The following ZYG11A variants were observed in gnomAD, a reference collection of about 807,000 sequenced individuals.
ZYG11A encodes protein zyg-11 homolog A.
ZYG11A carries 62 observed loss-of-function variants against 77.2 expected under a neutral mutation model. The ratio of observed to expected loss-of-function variants is 0.80; its 90% CI spans 0.65 to 0.99. The LOEUF (loss-of-function observed/expected upper bound fraction) is 0.99, where lower values mean the gene tolerates loss of function less well. ZYG11A is among the 50% of genes least tolerant of loss of function. The pLI is 0.00. For missense variants in ZYG11A, 828 were observed against 896.8 expected (o/e 0.92, Z 0.98); for synonymous variants, 315 against 324.6 (o/e 0.97, Z 0.32).
intron 3 of ZYG11A, among the ~76,000 whole-genome samples, chr1:52,860,518 T>G (rs1300336073): frequency 6.6e-6 from 1 of 152,184 alleles, no homozygotes; most frequent in Non-Finnish European, 1.5e-5. Flanking sequence ...GGCTGGTCTC[T>G]ACTCCTGACC....
rs1557436683 is a variant in ZYG11A, at chr1:52,859,672, T to C, written c.1009-1059T>C. Among the ~76,000 whole-genome samples the C allele has an allele frequency of 8.0e-4, 81 of 101,776 alleles. 4 individuals are homozygous for C. The highest frequency in any genetic ancestry group is 2.0e-3 in the Admixed American group (22 of 11,202). The allele number at this position is 101,776 out of a possible 152,430, so 66.8% of individuals were successfully genotyped here. ...TTTATCTGTTTGTGTATTGCCTTTT[T>C]TTTTTTTTTTTTTTTTTTTTTTTGA... On this transcript the variant is annotated intron_variant, in intron 3 of 13. Transcript: ENST00000371528.
Position 52,857,150 on chromosome 1 carries a change from G to A in ZYG11A, c.409G>A (p.Ala137Thr). 3.2e-6 allele frequency: 5 copies of A among 1,551,904 alleles called. No homozygotes were observed. The highest frequency in any genetic ancestry group is 3.5e-6 in the Non-Finnish European group (4 of 1,147,054). ...TGAACTGAATGCTACTGCAGTGCAC[G>A]CTGACCTCCCAGTTCCAGACATCAT... Reference protein sequence around the residue: ...LIELNATAVHADLPVPDIISG... With the variant: ...LIELNATAVHTDLPVPDIISG... Residue 137 changes from alanine (A) to threonine (T), a missense_variant, in exon 3 of 14, where the codon GCT (alanine) becomes ACT (threonine). Coordinates refer to ENST00000371528, the MANE Select transcript of ZYG11A (RefSeq NM_001004339.3).
chr1:52,845,635 ATTTTT>A (rs34141053), intron 1 of ZYG11A, among the ~76,000 whole-genome samples: 1 of 139,298 alleles, frequency 7.2e-6, no homozygotes. Flanking sequence ...TTATTTTTGA[ATTTTT>A]TTTTTTTTTT....
At chr1:52,863,895 G>A (rs1170623666) in intron 4 of ZYG11A, 86 bp from the exon 5 acceptor site, 3 of 1,265,266 alleles carry the variant, frequency 2.4e-6, no homozygotes, top group South Asian at 3.1e-5. Flanking sequence ...CCCAATAAAC[G>A]AAGATTTGTG....
chr1:52,847,927 T>C (rs1411205321), intron 1 of ZYG11A, among the ~76,000 whole-genome samples: 1 of 151,862 alleles, frequency 6.6e-6, no homozygotes, highest in Non-Finnish European at 1.5e-5. Flanking sequence ...TGGAGTGCAG[T>C]GGCGCGATCT....
chr1:52,884,735 A>C (rs1245176360), intron 11 of ZYG11A, among the ~76,000 whole-genome samples: 2 of 152,136 alleles, frequency 1.3e-5, no homozygotes, highest in African/African-American at 4.8e-5. Flanking sequence ...AGGGGATCTC[A>C]ACATTTAGTA....
chr1:52,844,259 A>C (rs1645519647), intron 1 of ZYG11A, among the ~76,000 whole-genome samples: 1 of 152,226 alleles, frequency 6.6e-6, no homozygotes, highest in Admixed American at 6.5e-5. Flanking sequence ...TGCTTTACAT[A>C]TTAACGCCTT....
chr1:52,888,063 T>C (rs2150023258), intron 13 of ZYG11A, among the ~76,000 whole-genome samples: 1 of 152,164 alleles, frequency 6.6e-6, no homozygotes, highest in Non-Finnish European at 1.5e-5. Flanking sequence ...AATCAGAAAA[T>C]GTAATTAAGG....
At position 52,864,101 on chromosome 1, in the gene ZYG11A, T is replaced by C. The variant is rs1372585082; in HGVS notation, c.1270T>C (p.Ser424Pro). Residue 424 changes from serine (S) to proline (P), a missense_variant, in exon 5 of 14, where the codon TCA (serine) becomes CCA (proline). By Grantham distance (74) the Ser-to-Pro change is moderately conservative. Transcript: ENST00000371528. ...LAKGMPVRLL[S>P]EVTCLLFKAL... Reference sequence around the variant, plus strand: ...CAAGGGGATGCCTGTTCGCCTGTTGTCAGAGGTCACCTGTCTACTTTTCAA... The same window carrying C: ...CAAGGGGATGCCTGTTCGCCTGTTGCCAGAGGTCACCTGTCTACTTTTCAA... 1 of 1,551,980 alleles carries C rather than the reference T, an allele frequency of 6.4e-7. No individual in the cohort carries two copies. Among genetic ancestry groups the C allele is most frequent in the Admixed American group, 2.0e-5 (1 of 51,000 alleles).
intron 8 of ZYG11A, among the ~76,000 whole-genome samples, chr1:52,872,707 C>T (rs1646188746): frequency 6.7e-6 from 1 of 150,274 alleles, no homozygotes; most frequent in African/African-American, 2.4e-5. Context: ...ATGGTGAAAC[C>T]CCGTCTCTAT....
intron 1 of ZYG11A, among the ~76,000 whole-genome samples, chr1:52,847,779 C>A (rs1404922527): frequency 6.6e-6 from 1 of 150,570 alleles, no homozygotes; most frequent in African/African-American, 2.4e-5. Context: ...AGGTAATTCT[C>A]CTGCCTCAGC....
intron 1 of ZYG11A, among the ~76,000 whole-genome samples, chr1:52,846,324 AT>A: frequency 1.7e-4 from 1 of 6,028 alleles, no homozygotes; most frequent in East Asian, 2.5e-3. Context: ...ATATATATAT[AT>A]ATATATATAT....
intron 13 of ZYG11A, among the ~76,000 whole-genome samples, chr1:52,891,812 G>T (rs1646548025): frequency 6.6e-6 from 1 of 151,528 alleles, no homozygotes; most frequent in African/African-American, 2.4e-5. Flanking sequence ...TAGCTGAAGT[G>T]CTCTTTGTTT....
At chr1:52,856,940 A>T in intron 2 of ZYG11A, 58 bp from the exon 3 acceptor site, 1 of 1,457,982 alleles carries the variant, frequency 6.9e-7, no homozygotes, top group South Asian at 1.5e-5. Context: ...GCCACATTTT[A>T]TCCTGGAAAG....
chr1:52,863,339 T>C (rs1645964409), intron 4 of ZYG11A, among the ~76,000 whole-genome samples: 1 of 152,130 alleles, frequency 6.6e-6, no homozygotes, highest in Non-Finnish European at 1.5e-5. Flanking sequence ...CAAATTCTTC[T>C]CCTCTGTTGG....
Position 52,843,686 on chromosome 1 carries a change from TTC to T in ZYG11A, c.90+715_90+716del, listed in dbSNP as rs1318466796. Among the ~76,000 whole-genome samples, 13 of 106,538 alleles carry T rather than the reference TTC, an allele frequency of 1.2e-4. No individual in the cohort carries two copies. The South Asian group carries it at 3.2e-3, about 26-fold the overall frequency. The allele number at this position is 106,538 out of a possible 152,430, so 69.9% of individuals were successfully genotyped here. Reference sequence around the variant, plus strand: ...TAAGTGTCGCCTTTCTTTTCTTTCTTTCTTTTTTTTTTTTTTTTTGAGACGGA... The same window carrying T: ...TAAGTGTCGCCTTTCTTTTCTTTCTTTTTTTTTTTTTTTTTTTGAGACGGA... On this transcript the variant is annotated intron_variant, in intron 1 of 13. Coordinates refer to ENST00000371528, the MANE Select transcript of ZYG11A (RefSeq NM_001004339.3).
chr1:52,878,047 AGG>A, intron 10 of ZYG11A, 78 bp downstream of exon 10: 6 of 1,215,306 alleles, frequency 4.9e-6, no homozygotes, highest in Non-Finnish European at 5.9e-6. Context: ...ACTATATGCT[AGG>A]CAGTATTGTA....
At chr1:52,847,094 G>A (rs1006286830) in intron 1 of ZYG11A, among the ~76,000 whole-genome samples, 1 of 148,818 alleles carries the variant, frequency 6.7e-6, no homozygotes, top group Non-Finnish European at 1.5e-5. Context: ...GTGTTTCGCT[G>A]TTGTTGCCCA....
chr1:52,877,794 A>G lies in ZYG11A; in HGVS notation c.1655A>G (p.Lys552Arg), dbSNP rs1646287808. The G allele has an allele frequency of 5.8e-6, 9 of 1,551,684 alleles. No individual in the cohort carries two copies. The highest frequency in any genetic ancestry group is 1.4e-5 in the African/African-American group (1 of 73,054). The change falls in exon 9 of 14, where the codon AAG becomes AGG. Residue 552 changes from lysine (K) to arginine (R), a missense_variant. Coordinates refer to ENST00000371528, the MANE Select transcript of ZYG11A (RefSeq NM_001004339.3). ...ACAGATGGGTCTCCAGCTGCCTGCA[A>G]GCACTTCATTGAAAATCAAGGATTG... ...NLTDGSPAAC[K>R]HFIENQGLQI...
Sources: allele counts gnomAD v4.1 joint callset (sites outside exome capture counted in the v4.1 genomes callset), GRCh38; gene constraint gnomAD v4.1.1; transcripts MANE v1.5; gene names NCBI Gene and HGNC (gene_info 2026-07-23, HGNC 2026-07-21).